RHOU: variants seen among roughly 807,000 people sequenced by gnomAD.
RHOU encodes the protein rho-related GTP-binding protein RhoU.
Under a neutral mutation model 12.6 loss-of-function variants are expected in RHOU, and 8 were observed. The observed-to-expected ratio is 0.64, with a 90% confidence interval of 0.37 to 1.15. The LOEUF (loss-of-function observed/expected upper bound fraction) is 1.15. Among genes scored for constraint, RHOU ranks in the 50% most tolerant of loss-of-function variants. RHOU has a pLI of 0.01. For missense variants in RHOU, 258 were observed against 347.0 expected, an observed-to-expected ratio of 0.74 and a Z score of 2.04; for synonymous variants, 161 against 147.4, an observed-to-expected ratio of 1.09 and a Z score of -0.67.
At chr1:228,707,180 A>C in the RHOU span, among the ~76,000 whole-genome samples, 2 of 103,440 alleles carry the variant, frequency 1.9e-5, no homozygotes, top group Admixed American at 2.3e-4. Flanking sequence ...ATATATTAAC[A>C]AAATATATAT....
chr1:228,663,607 TTTC>T, the RHOU span, among the ~76,000 whole-genome samples: 1 of 108,492 alleles, frequency 9.2e-6, no homozygotes, highest in Non-Finnish European at 1.8e-5. Context: ...CTGTTTTTCT[TTTC>T]TTTTCTTTTC....
chr1:228,712,765 C>G, the RHOU span, among the ~76,000 whole-genome samples: 2 of 150,274 alleles, frequency 1.3e-5, no homozygotes, highest in Non-Finnish European at 3.0e-5. Flanking sequence ...ACATATGTAA[C>G]TAACCTGCAC....
At chr1:228,698,925 G>A in the RHOU span, among the ~76,000 whole-genome samples, 3 of 152,100 alleles carry the variant, frequency 2.0e-5, no homozygotes, top group Non-Finnish European at 4.4e-5. Flanking sequence ...GCATATGTAA[G>A]GAAAAAATTA....
chr1:228,736,019 G>T lies in RHOU; in HGVS notation c.262+15G>T. 3.2e-6 allele frequency: 5 copies of T among 1,570,768 alleles called. No individual in the cohort carries two copies. The highest frequency in any genetic ancestry group is 4.3e-6 in the Non-Finnish European group (5 of 1,165,894). On this transcript the variant is annotated intron_variant, in intron 1 of 2. Coordinates refer to ENST00000366691, the MANE Select transcript of RHOU (RefSeq NM_021205.6). ...CAACTTCTCCGGTGAGCTGGCCGGG[G>T]GGCCGGGGCCGGGGGCGCGTGGCCG...
At chr1:228,661,289 C>T in the RHOU span, among the ~76,000 whole-genome samples, 1 of 152,068 alleles carries the variant, frequency 6.6e-6, no homozygotes, top group Non-Finnish European at 1.5e-5. Context: ...CAATGCCATC[C>T]CCATCAAGCT....
At chr1:228,676,449 A>C in the RHOU span, among the ~76,000 whole-genome samples, 1 of 152,170 alleles carries the variant, frequency 6.6e-6, no homozygotes, top group African/African-American at 2.4e-5. Context: ...GCTTGAGGCC[A>C]AGAGTTTGAG....
At chr1:228,716,747 C>CGTATATATAT in the RHOU span, among the ~76,000 whole-genome samples, 1 of 151,242 alleles carries the variant, frequency 6.6e-6, no homozygotes, top group Non-Finnish European at 1.5e-5. Context: ...TATACACACA[C>CGTATATATAT]ATGTGTGTGT....
chr1:228,718,806 G>T, the RHOU span, among the ~76,000 whole-genome samples: 1 of 152,136 alleles, frequency 6.6e-6, no homozygotes, highest in Non-Finnish European at 1.5e-5. Flanking sequence ...AAACACTTCC[G>T]CCAGAACATG....
chr1:228,710,775 A>G, the RHOU span, among the ~76,000 whole-genome samples: 5 of 151,478 alleles, frequency 3.3e-5, no homozygotes, highest in Non-Finnish European at 5.9e-5. Flanking sequence ...CTCTCTCACC[A>G]CTCCTATTCA....
At chr1:228,699,572 C>T in the RHOU span, among the ~76,000 whole-genome samples, 2 of 150,814 alleles carry the variant, frequency 1.3e-5, no homozygotes, top group Admixed American at 6.6e-5. Flanking sequence ...TCATAAGAGG[C>T]CAAGTTATAT....
At chr1:228,687,298 C>CT in the RHOU span, 6,042 of 539,540 alleles carry the variant, frequency 0.011, 40 homozygotes, top group African/African-American at 0.043. Flanking sequence ...TTATCCCTTT[C>CT]TTTTTTTTTT....
chr1:228,692,074 C>G, the RHOU span, among the ~76,000 whole-genome samples: 2 of 152,082 alleles, frequency 1.3e-5, no homozygotes, highest in Non-Finnish European at 2.9e-5. Context: ...TAATTATGTA[C>G]GAAGTAATGA....
the RHOU span, among the ~76,000 whole-genome samples, chr1:228,684,683 GA>G: frequency 1.3e-5 from 2 of 152,064 alleles, no homozygotes; most frequent in African/African-American, 4.8e-5. Context: ...TTGGGTGCTA[GA>G]TTTTGCAGCC....
the RHOU span, among the ~76,000 whole-genome samples, chr1:228,689,441 A>T: frequency 2.0e-5 from 3 of 152,114 alleles, no homozygotes; most frequent in Non-Finnish European, 2.9e-5. Context: ...CTGCCTGTTG[A>T]TCCCTATGGA....
At chr1:228,702,978 C>T in the RHOU span, among the ~76,000 whole-genome samples, 13 of 152,242 alleles carry the variant, frequency 8.5e-5, no homozygotes, top group African/African-American at 2.6e-4. Context: ...TTAGGTGAAA[C>T]AAGGTAGAAA....
Position 228,738,612 on chromosome 1 carries a change from T to C in RHOU, c.321+881T>C, listed in dbSNP as rs1662661274. Among the ~76,000 whole-genome samples the C allele has an allele frequency of 6.6e-6, 1 of 152,214 alleles. No homozygotes were observed. The highest frequency in any genetic ancestry group is 1.5e-5 in the Non-Finnish European group (1 of 68,038). ...TCTGTGTTTATGAAGGCACTGGCTT[T>C]CCACTGCCCCCCAGAGCCTCATCTA... On this transcript the variant is annotated intron_variant, in intron 2 of 2. Coordinates refer to ENST00000366691, the MANE Select transcript of RHOU (RefSeq NM_021205.6). This position sits in a 1 kb window ranked among gnomAD's most constrained non-coding sequence, Gnocchi z 4.2.
At chr1:228,729,495 G>A in the RHOU span, among the ~76,000 whole-genome samples, 2 of 152,190 alleles carry the variant, frequency 1.3e-5, no homozygotes, top group Admixed American at 6.5e-5. Context: ...AGACAGGAAT[G>A]CACATGTTCA....
At chr1:228,665,977 T>TG in the RHOU span, among the ~76,000 whole-genome samples, 1 of 151,836 alleles carries the variant, frequency 6.6e-6, no homozygotes, top group East Asian at 1.9e-4. Flanking sequence ...TTCTTTTTTT[T>TG]TTGACAGAAC....
At chr1:228,712,158 T>G in the RHOU span, among the ~76,000 whole-genome samples, 8 of 151,636 alleles carry the variant, frequency 5.3e-5, no homozygotes, top group Non-Finnish European at 1.2e-4. Context: ...AGTCAGGAAA[T>G]AACAGGTGCT....
Sources: allele counts gnomAD v4.1 joint callset (sites outside exome capture counted in the v4.1 genomes callset), GRCh38; gene constraint gnomAD v4.1.1; non-coding constraint Gnocchi (gnomAD v3.1); transcripts MANE v1.5; gene names NCBI Gene and HGNC (gene_info 2026-07-23, HGNC 2026-07-21).